Variants in EYS observed in about 807,000 individuals in gnomAD.
EYS encodes EGF-like photoreceptor maintenance factor, also known as protein eyes shut homolog.
In EYS, 250 loss-of-function variants were observed where a neutral mutation model predicts 282.1. The observed-to-expected ratio is 0.89, with a 90% CI of 0.80 to 0.98. The LOEUF is 0.98. Among genes scored for constraint, EYS ranks in the 50% least tolerant of loss-of-function variants. The pLI is 0.00. For missense variants in EYS, 4,016 were observed against 3,709.0 expected, an observed-to-expected ratio of 1.08 and a Z score of -2.15; for synonymous variants, 1,355 against 1,282.9, an observed-to-expected ratio of 1.06 and a Z score of -1.20.
At chr6:65,438,924 T>C (rs1390204609) in intron 5 of EYS, among the ~76,000 whole-genome samples, 1 of 152,190 alleles carries the variant, frequency 6.6e-6, no homozygotes, top group Non-Finnish European at 1.5e-5. Flanking sequence ...CATGAAGTCC[T>C]TGTCCATGCC....
rs1766209221 is a variant in EYS at position 65,495,225 on chromosome 6, T to G, written c.186A>C (p.Val62=). 1 of 1,614,082 alleles carries G rather than the reference T, an allele frequency of 6.2e-7. No homozygotes were observed. Among genetic ancestry groups the G allele is most frequent in the African/African-American group, 1.3e-5 (1 of 74,950 alleles). ...DFYRDCWFLG[V]NTKIDTSGNQ... ...TGCCTGAAGTATCTATTTTAGTGTT[T>G]ACACCCAAAAACCAGCAATCTCTGT... Residue 62 remains valine, a synonymous_variant, in exon 4 of 43, where the codon GTA becomes GTC. Coordinates refer to ENST00000503581, the MANE Select transcript of EYS (RefSeq NM_001142800.2).
chr6:65,166,881 T>C (rs1317284914), intron 12 of EYS, among the ~76,000 whole-genome samples: 2 of 151,284 alleles, frequency 1.3e-5, no homozygotes, highest in East Asian at 3.9e-4. Flanking sequence ...ACAAGGAATT[T>C]GAAGATACAG....
chr6:65,333,430 T>A (rs540358190), intron 11 of EYS, among the ~76,000 whole-genome samples: 4 of 151,738 alleles, frequency 2.6e-5, no homozygotes, highest in Non-Finnish European at 5.9e-5. Flanking sequence ...TGAAATATAT[T>A]ACAGCTTGCT....
intron 2 of EYS, among the ~76,000 whole-genome samples, chr6:65,498,704 T>G (rs958899167): frequency 2.0e-5 from 3 of 151,962 alleles, no homozygotes; most frequent in African/African-American, 7.2e-5. Context: ...TCAATGTATA[T>G]CTATACATGC....
chr6:64,194,211 AC>A (rs888442155), intron 31 of EYS, among the ~76,000 whole-genome samples: 24 of 152,256 alleles, frequency 1.6e-4, no homozygotes, highest in African/African-American at 5.8e-4. Context: ...CTGGAAGAAC[AC>A]ACCCCCACCA....
chr6:64,803,741 T>A (rs919535154), intron 22 of EYS, among the ~76,000 whole-genome samples: 4 of 152,222 alleles, frequency 2.6e-5, no homozygotes, highest in African/African-American at 9.6e-5. Flanking sequence ...GGCAGAGGGC[T>A]GGCATGTCAG....
chr6:64,574,859 C>A (rs1165352373), intron 26 of EYS, among the ~76,000 whole-genome samples: 1 of 152,076 alleles, frequency 6.6e-6, no homozygotes, highest in Non-Finnish European at 1.5e-5. Flanking sequence ...TATATGCCTT[C>A]AGGTATAAAT....
intron 12 of EYS, among the ~76,000 whole-genome samples, chr6:65,085,256 T>C (rs971435805): frequency 6.6e-6 from 1 of 152,198 alleles, no homozygotes; most frequent in Non-Finnish European, 1.5e-5. Flanking sequence ...CTTGCTTTTA[T>C]GACAACATTC....
At chr6:65,475,923 TTCAGTAAGCCAAAAATGATGTTCAC>T (rs1765388083) in intron 5 of EYS, among the ~76,000 whole-genome samples, 1 of 152,092 alleles carries the variant, frequency 6.6e-6, no homozygotes, top group African/African-American at 2.4e-5. Context: ...ATTACATGAT[TTCAGTAAGCCAAAAATGATGTTCAC>T]TCTGTATTTC....
intron 35 of EYS, among the ~76,000 whole-genome samples, chr6:63,894,244 G>C (rs1257887320): frequency 6.6e-6 from 1 of 152,140 alleles, no homozygotes; most frequent in East Asian, 1.9e-4. Flanking sequence ...GGGAAACAAG[G>C]TTTTTATAGA....
chr6:65,115,213 A>G (rs1775330882), intron 12 of EYS, among the ~76,000 whole-genome samples: 3 of 152,094 alleles, frequency 2.0e-5, no homozygotes, highest in Admixed American at 2.0e-4. Context: ...TTTTTAAATT[A>G]TGAAATGAAT....
chr6:64,873,583 A>G (rs1766658615), intron 19 of EYS, among the ~76,000 whole-genome samples: 3 of 152,078 alleles, frequency 2.0e-5, no homozygotes, highest in African/African-American at 7.2e-5. Context: ...CAAATTTTTA[A>G]TTAGAATAGA....
At chr6:63,729,030 T>C (rs1768712236) in intron 41 of EYS, among the ~76,000 whole-genome samples, 1 of 152,202 alleles carries the variant, frequency 6.6e-6, no homozygotes, top group African/African-American at 2.4e-5. Flanking sequence ...TTCGAAAAAG[T>C]ATCTAGTGTT....
At chr6:65,133,244 C>A (rs796829207) in intron 12 of EYS, among the ~76,000 whole-genome samples, 6 of 151,632 alleles carry the variant, frequency 4.0e-5, no homozygotes, top group African/African-American at 1.4e-4. Context: ...AAAAAAAGTG[C>A]CCACATAACC....
chr6:64,549,190 C>T (rs770511987), intron 26 of EYS, among the ~76,000 whole-genome samples: 19 of 152,316 alleles, frequency 1.2e-4, no homozygotes, highest in Middle Eastern at 3.4e-3. Flanking sequence ...AGCAGATTCT[C>T]ACACACAGAT....
chr6:65,321,099 G>C lies in EYS; in HGVS notation c.1766+13881C>G, dbSNP rs184855206. Among the ~76,000 whole-genome samples, 847 of 151,274 alleles carry C rather than the reference G, an allele frequency of 5.6e-3. 7 individuals are homozygous for C. Among genetic ancestry groups the C allele is most frequent in the Non-Finnish European group, 5.8e-3 (391 of 67,914 alleles). On this transcript the variant is annotated intron_variant, in intron 11 of 42. Coordinates refer to ENST00000503581, the MANE Select transcript of EYS (RefSeq NM_001142800.2). ...CTCAACCCATGGCAGTGCTCTGTAA[G>C]ACTACGGAGATTTTGTGGGATTAAA...
At chr6:64,501,487 C>G (rs76427429) in intron 26 of EYS, among the ~76,000 whole-genome samples, 14 of 151,716 alleles carry the variant, frequency 9.2e-5, no homozygotes, top group Admixed American at 8.5e-4. Flanking sequence ...TATCTCTGAT[C>G]ATTGAAAATA....
At chr6:64,054,464 G>T (rs1182292622) in intron 33 of EYS, among the ~76,000 whole-genome samples, 1 of 152,052 alleles carries the variant, frequency 6.6e-6, no homozygotes, top group Non-Finnish European at 1.5e-5. Context: ...ATGAGACTTG[G>T]GTATTAGAGG....
At chr6:64,288,301 C>T (rs1255982512) in intron 30 of EYS, among the ~76,000 whole-genome samples, 1 of 152,056 alleles carries the variant, frequency 6.6e-6, no homozygotes, top group African/African-American at 2.4e-5. Flanking sequence ...GTGACAGACT[C>T]TTTAATATAA....
Sources: gnomAD v4.1 joint callset for allele counts (sites outside exome capture counted in the v4.1 genomes callset) on GRCh38, gnomAD v4.1.1 for gene constraint, MANE v1.5 for transcripts, NCBI Gene and HGNC (gene_info 2026-07-23, HGNC 2026-07-21) for gene names.